KHDRBS3: variants seen among roughly 807,000 people sequenced by gnomAD.
KHDRBS3 encodes KH domain-containing, RNA-binding, signal transduction-associated protein 3.
In KHDRBS3, 23 loss-of-function variants were observed where a neutral mutation model predicts 45.6. The observed-to-expected ratio is 0.50, with a 90% CI of 0.36 to 0.72. The LOEUF is 0.72. Ranked by LOEUF, KHDRBS3 falls within the 30% of genes least tolerant of loss-of-function variation. The pLI, the probability that KHDRBS3 is intolerant of heterozygous loss-of-function variation, is 0.00. For synonymous variants in KHDRBS3, 162 were observed against 156.5 expected (o/e 1.04, Z -0.26); for missense variants, 352 against 424.8 (o/e 0.83, Z 1.51).
At chr8:135,632,066 A>G (rs966599894) in intron 7 of KHDRBS3, among the ~76,000 whole-genome samples, 2 of 152,240 alleles carry the variant, frequency 1.3e-5, no homozygotes, top group African/African-American at 4.8e-5. Context: ...GTATATATAC[A>G]CATGCGCACA....
intron 1 of KHDRBS3, chr8:135,458,850 G>C (rs888382271): frequency 4.4e-6 from 2 of 455,998 alleles, no homozygotes; most frequent in Admixed American, 4.7e-5. Flanking sequence ...CGCCTACCCG[G>C]GACAGTGTTC....
chr8:135,513,072 C>T (rs1824387787), intron 1 of KHDRBS3, among the ~76,000 whole-genome samples: 1 of 152,072 alleles, frequency 6.6e-6, no homozygotes, highest in Non-Finnish European at 1.5e-5. Context: ...CAGTGGCAGG[C>T]ACCTGTAGTC....
chr8:135,535,231 C>G (rs141193049), intron 2 of KHDRBS3, among the ~76,000 whole-genome samples: 1 of 144,700 alleles, frequency 6.9e-6, no homozygotes, highest in Non-Finnish European at 1.5e-5. Context: ...CTATAATAAA[C>G]TATTATATAT....
intron 1 of KHDRBS3, among the ~76,000 whole-genome samples, chr8:135,487,370 G>C (rs752537802): frequency 6.6e-6 from 1 of 152,080 alleles, no homozygotes; most frequent in Non-Finnish European, 1.5e-5. Context: ...AGCACATGGT[G>C]GGCTTTAAAT....
Position 135,543,827 on chromosome 8 carries a change from G to A in KHDRBS3, c.324+1057G>A, listed in dbSNP as rs575630161. Among the ~76,000 whole-genome samples, 12 of 152,140 alleles carry A rather than the reference G, an allele frequency of 7.9e-5. No homozygotes were observed. The South Asian group carries it at 2.1e-3, about 26-fold the overall frequency. ...CTGACAACAGCACCCGTATATTTTC[G>A]ACAGCATTGGAAAACATGACATGTT... On this transcript the variant is annotated intron_variant, in intron 3 of 8. Coordinates refer to ENST00000355849, the MANE Select transcript of KHDRBS3 (RefSeq NM_006558.3).
At chr8:135,519,200 C>T (rs563425142) in intron 1 of KHDRBS3, among the ~76,000 whole-genome samples, 17 of 152,132 alleles carry the variant, frequency 1.1e-4, no homozygotes, top group Admixed American at 6.5e-4. Context: ...TGCTTCCTTC[C>T]GTCTCCCCCA....
chr8:135,462,083 TC>T (rs1306071026), intron 1 of KHDRBS3, among the ~76,000 whole-genome samples: 1 of 152,086 alleles, frequency 6.6e-6, no homozygotes, highest in East Asian at 1.9e-4. Flanking sequence ...TGCTTGAATG[TC>T]ACAGACTTGT....
intron 6 of KHDRBS3, among the ~76,000 whole-genome samples, chr8:135,582,855 CTT>C (rs1828283560): frequency 6.6e-6 from 1 of 152,234 alleles, no homozygotes; most frequent in African/African-American, 2.4e-5. Flanking sequence ...CTCTGTGCCT[CTT>C]TGCATAGTTT....
chr8:135,606,253 C>T (rs760923372), intron 6 of KHDRBS3, among the ~76,000 whole-genome samples: 6 of 151,900 alleles, frequency 3.9e-5, no homozygotes, highest in South Asian at 2.1e-4. Context: ...TGCATGGTCC[C>T]GGCCTTCTAG....
chr8:135,654,883 C>T (rs1196927074), intron 4 of KHDRBS3, among the ~76,000 whole-genome samples: 1 of 152,204 alleles, frequency 6.6e-6, no homozygotes, highest in African/African-American at 2.4e-5. Context: ...TTATCCAGAT[C>T]CTCCCATTTC....
chr8:135,538,661 A>G (rs1307868045), intron 2 of KHDRBS3: 1 of 152,196 alleles, frequency 6.6e-6, no homozygotes, highest in Non-Finnish European at 1.5e-5. Flanking sequence ...GAAACTGAAA[A>G]CTAGAAATGC....
At chr8:135,609,700 C>A (rs1371269721) in intron 7 of KHDRBS3, among the ~76,000 whole-genome samples, 1 of 151,836 alleles carries the variant, frequency 6.6e-6, no homozygotes, top group African/African-American at 2.4e-5. Context: ...TTTCTCAGCA[C>A]CATTATGATA....
chr8:135,636,166 TAG>T (rs1205213233), intron 7 of KHDRBS3, among the ~76,000 whole-genome samples: 1 of 152,194 alleles, frequency 6.6e-6, no homozygotes, highest in Non-Finnish European at 1.5e-5. Context: ...AAAAGGCAGC[TAG>T]TTGGCCTCAC....
At position 135,499,112 on chromosome 8, in the gene KHDRBS3, A is replaced by G. The variant is rs568213122; in HGVS notation, c.89-22125A>G. 1.9e-3 allele frequency among the ~76,000 whole-genome samples: 287 copies of G among 152,318 alleles called. 1 individual carries two copies. Among genetic ancestry groups the G allele is most frequent in the Non-Finnish European group, 3.7e-3 (250 of 68,030 alleles). On this transcript the variant is annotated intron_variant, in intron 1 of 8. Coordinates refer to ENST00000355849, the MANE Select transcript of KHDRBS3 (RefSeq NM_006558.3). ...ACAGGTAAAAGAGGTGGAACATGGC[A>G]AAGAACACGAGAGAGTGCAGTTGTG...
At chr8:135,502,842 C>T (rs1373624543) in intron 1 of KHDRBS3, among the ~76,000 whole-genome samples, 1 of 152,156 alleles carries the variant, frequency 6.6e-6, no homozygotes, top group African/African-American at 2.4e-5. Context: ...CTCTTTTCCA[C>T]TTCCTTTTTG....
chr8:135,521,190 T>C, intron 1 of KHDRBS3, 47 bp from the exon 2 acceptor site: 1 of 1,153,742 alleles, frequency 8.7e-7, no homozygotes, highest in Non-Finnish European at 1.3e-6. Context: ...ACCCAGCCCC[T>C]GCATTTCTGA....
At chr8:135,638,944 A>G (rs1163709995) in intron 7 of KHDRBS3, among the ~76,000 whole-genome samples, 1 of 146,912 alleles carries the variant, frequency 6.8e-6, no homozygotes, top group Non-Finnish European at 1.5e-5. Flanking sequence ...CTGGAAACAG[A>G]GCGAGAGAGT....
intron 1 of KHDRBS3, among the ~76,000 whole-genome samples, chr8:135,479,962 C>A (rs1407094202): frequency 3.9e-5 from 6 of 152,120 alleles, no homozygotes; most frequent in Non-Finnish European, 7.4e-5. Context: ...GGATTATGCA[C>A]CATGACCATG....
intron 1 of KHDRBS3, among the ~76,000 whole-genome samples, chr8:135,507,009 GC>G (rs1824034048): frequency 6.6e-6 from 1 of 152,046 alleles, no homozygotes; most frequent in African/African-American, 2.4e-5. Flanking sequence ...CTTTTATGGA[GC>G]CTTTTAGACA....
Sources: gnomAD v4.1 joint callset for allele counts (sites outside exome capture counted in the v4.1 genomes callset) on GRCh38, gnomAD v4.1.1 for gene constraint, MANE v1.5 for transcripts, NCBI Gene and HGNC (gene_info 2026-07-23, HGNC 2026-07-21) for gene names.